The following LTBP1 variants were observed in gnomAD, a reference collection of about 807,000 sequenced individuals.
The protein encoded by LTBP1 is latent-transforming growth factor beta-binding protein 1.
A neutral mutation model predicts 207.6 loss-of-function variants in LTBP1; 129 were observed. The ratio of observed to expected loss-of-function variants is 0.62; its 90% CI spans 0.54 to 0.72. The LOEUF (loss-of-function observed/expected upper bound fraction) is 0.72. Among genes scored for constraint, LTBP1 ranks in the 30% least tolerant of loss-of-function variants. The probability of loss-of-function intolerance (pLI) is 0.00; values close to 1 mark genes in which losing one functional copy is unlikely to be tolerated. For synonymous variants in LTBP1, 963 were observed against 833.7 expected (o/e 1.16, Z -2.67); for missense variants, 2,281 against 2,217.2 (o/e 1.03, Z -0.58).
chr2:33,293,078 T>A, intron 19 of LTBP1, 82 bp from the exon 20 acceptor site: 1 of 1,437,518 alleles, frequency 7.0e-7, no homozygotes. Flanking sequence ...GTCTACTGTT[T>A]CCATTTCTAA....
chr2:33,244,480 G>T (rs2092441484), intron 10 of LTBP1, among the ~76,000 whole-genome samples: 1 of 152,200 alleles, frequency 6.6e-6, no homozygotes, highest in African/African-American at 2.4e-5. Flanking sequence ...TCACCAAAGA[G>T]ATACTCCCTC....
chr2:33,132,594 G>A (rs1042884397), intron 4 of LTBP1, among the ~76,000 whole-genome samples: 3 of 152,190 alleles, frequency 2.0e-5, no homozygotes, highest in Non-Finnish European at 4.4e-5. Context: ...AGTATTGACT[G>A]ATAGTAGCAT....
At position 33,360,668 on chromosome 2, in the gene LTBP1, C is replaced by T; in HGVS notation, c.4072C>T (p.Leu1358Phe). The change falls in exon 27 of 34, where the codon CTC (leucine) becomes TTC (phenylalanine). Residue 1358 changes from leucine (L) to phenylalanine (F), a missense_variant. By Grantham distance (22) the Leu-to-Phe change is conservative. Transcript: ENST00000404816. ...ECYYNLNDAS[L>F]CDNVLAPNVT... ...CTACTATAATCTCAATGACGCCAGT[C>T]TCTGTGATAATGTGTTGGCCCCCAA... 1 of 1,613,598 alleles carries T rather than the reference C, an allele frequency of 6.2e-7. No individual in the cohort carries two copies. Among genetic ancestry groups the T allele is most frequent in the Non-Finnish European group, 8.5e-7 (1 of 1,179,498 alleles).
intron 2 of LTBP1, among the ~76,000 whole-genome samples, chr2:32,987,258 T>C (rs1683738358): frequency 6.6e-6 from 1 of 151,486 alleles, no homozygotes; most frequent in South Asian, 2.1e-4. Flanking sequence ...GTTGAATGAG[T>C]ATAGAAAAAG....
chr2:33,233,379 A>T (rs2091891816), intron 9 of LTBP1, among the ~76,000 whole-genome samples: 1 of 152,142 alleles, frequency 6.6e-6, no homozygotes, highest in African/African-American at 2.4e-5. Context: ...ATTATTGTTC[A>T]TAGCTACCTG....
In LTBP1 at chr2:33,188,821, C is replaced by T. The variant is rs766701251; in HGVS notation, c.1671C>T (p.Gly557=). 3.1e-6 allele frequency: 5 copies of T among 1,614,046 alleles called. No individual in the cohort carries two copies. Among genetic ancestry groups the T allele is most frequent in the African/African-American group, 1.3e-5 (1 of 74,920 alleles). Residue 557 remains glycine, a synonymous_variant, in exon 7 of 34, where the codon GGC becomes GGT. Transcript: ENST00000404816. The part of the protein sequence containing the change: ...VYPVAAKTQL[G]RCFQETIGSQ... ...CCGTGGCTGCTAAGACACAGCTTGGCCGGTGCTTCCAGGAAACCATTGGGT... is the reference window on the plus strand; with the variant it reads ...CCGTGGCTGCTAAGACACAGCTTGGTCGGTGCTTCCAGGAAACCATTGGGT...
chr2:33,169,943 G>C (rs1343714784), intron 5 of LTBP1, among the ~76,000 whole-genome samples: 2 of 152,130 alleles, frequency 1.3e-5, no homozygotes, highest in Non-Finnish European at 2.9e-5. Flanking sequence ...CAGATAGTAA[G>C]AAAAATATTC....
At chr2:33,130,200 C>G (rs1331303866) in intron 4 of LTBP1, among the ~76,000 whole-genome samples, 1 of 152,198 alleles carries the variant, frequency 6.6e-6, no homozygotes, top group African/African-American at 2.4e-5. Flanking sequence ...CAGTCTCTCT[C>G]ACACCCTGAA....
chr2:33,393,108 A>C (rs2095329070), intron 32 of LTBP1, among the ~76,000 whole-genome samples: 1 of 151,838 alleles, frequency 6.6e-6, no homozygotes, highest in African/African-American at 2.4e-5. Flanking sequence ...CATAGGCAAC[A>C]TGTCATGGGG....
chr2:33,138,461 G>C (rs79146802), intron 5 of LTBP1, among the ~76,000 whole-genome samples: 2 of 134,338 alleles, frequency 1.5e-5, no homozygotes, highest in Non-Finnish European at 3.2e-5. Flanking sequence ...TTTTTTTTTT[G>C]AGCTCAGCCT....
chr2:33,008,241 A>T (rs1687199039), intron 2 of LTBP1, among the ~76,000 whole-genome samples: 1 of 152,242 alleles, frequency 6.6e-6, no homozygotes, highest in African/African-American at 2.4e-5. Flanking sequence ...CACTAATAGT[A>T]TGTTAAGAAT....
At chr2:33,237,707 G>A (rs2092115504) in intron 9 of LTBP1, among the ~76,000 whole-genome samples, 1 of 152,128 alleles carries the variant, frequency 6.6e-6, no homozygotes. Context: ...CTATCCTGGG[G>A]TTGATATATT....
intron 2 of LTBP1, among the ~76,000 whole-genome samples, chr2:33,018,794 AC>A (rs1688747953): frequency 6.6e-6 from 1 of 151,888 alleles, no homozygotes; most frequent in Admixed American, 6.6e-5. Context: ...CCTCCTCATA[AC>A]CCCCAAACAC....
At chr2:33,360,173 A>G (rs1017493136) in intron 26 of LTBP1, among the ~76,000 whole-genome samples, 3 of 152,214 alleles carry the variant, frequency 2.0e-5, no homozygotes, top group African/African-American at 7.2e-5. Flanking sequence ...GTTGATTCCA[A>G]TAACTACCTA....
chr2:33,183,721 C>T (rs573741251), intron 5 of LTBP1, among the ~76,000 whole-genome samples: 73 of 152,168 alleles, frequency 4.8e-4, no homozygotes, highest in Non-Finnish European at 8.1e-4. Context: ...ACACACTGAG[C>T]CTGTCCAGTG....
At chr2:33,225,228 C>G (rs983226458) in intron 9 of LTBP1, among the ~76,000 whole-genome samples, 1 of 152,154 alleles carries the variant, frequency 6.6e-6, no homozygotes, top group Non-Finnish European at 1.5e-5. Flanking sequence ...TTTAGCAAAT[C>G]TATCATCTTG....
At chr2:33,295,054 C>T (rs1026523935) in intron 20 of LTBP1, among the ~76,000 whole-genome samples, 11 of 151,670 alleles carry the variant, frequency 7.3e-5, no homozygotes, top group African/African-American at 2.4e-4. Flanking sequence ...TATTTTAATT[C>T]TGAAAAGGCT....
intron 32 of LTBP1, among the ~76,000 whole-genome samples, chr2:33,393,106 A>G (rs1188886749): frequency 6.6e-6 from 1 of 151,846 alleles, no homozygotes; most frequent in African/African-American, 2.4e-5. Flanking sequence ...TACATAGGCA[A>G]CATGTCATGG....
At chr2:33,180,575 C>A (rs2086519344) in intron 5 of LTBP1, among the ~76,000 whole-genome samples, 2 of 151,920 alleles carry the variant, frequency 1.3e-5, no homozygotes, top group South Asian at 2.1e-4. Context: ...TCTCAGCCTC[C>A]CAAGTAGCTG....
Sources: gnomAD v4.1 joint callset for allele counts (sites outside exome capture counted in the v4.1 genomes callset) on GRCh38, gnomAD v4.1.1 for gene constraint, MANE v1.5 for transcripts, NCBI Gene and HGNC (gene_info 2026-07-23, HGNC 2026-07-21) for gene names.